The following ACAD11 variants were observed in gnomAD, a reference collection of about 807,000 sequenced individuals.
The protein encoded by ACAD11 is acyl-Coenzyme A dehydrogenase family, member 11.
ACAD11 carries 83 observed loss-of-function variants against 102.2 expected under a neutral mutation model. That is an observed-to-expected ratio of 0.81 (90% CI 0.68 to 0.97). ACAD11 has a LOEUF of 0.97. Ranked by LOEUF, ACAD11 falls within the 50% of genes least tolerant of loss-of-function variation. ACAD11 has a pLI of 0.00. For missense variants in ACAD11, 901 were observed against 951.7 expected (o/e 0.95, Z 0.70); for synonymous variants, 324 against 319.8 (o/e 1.01, Z -0.14).
chr3:132,613,108 C>T (rs1939233492), intron 11 of ACAD11, among the ~76,000 whole-genome samples: 2 of 151,816 alleles, frequency 1.3e-5, no homozygotes, highest in South Asian at 4.1e-4. Flanking sequence ...CCATCATTCT[C>T]AGCAAACTAT....
At chr3:132,645,263 A>C (rs1212336075) in intron 1 of ACAD11, among the ~76,000 whole-genome samples, 1 of 152,256 alleles carries the variant, frequency 6.6e-6, no homozygotes, top group East Asian at 1.9e-4. Context: ...TATCAGTCAG[A>C]AAATGAATTA....
Position 132,626,886 on chromosome 3 carries a change from T to C in ACAD11, c.1071-69A>G, listed in dbSNP as rs61078115. On this transcript the variant is annotated intron_variant, in intron 8 of 19. Coordinates refer to ENST00000264990, the MANE Select transcript of ACAD11 (RefSeq NM_032169.5). ...AAAGATCATTATTACATATTTCTAA[T>C]ATAATGTGAAGTTTCCTCAGCTACC... is the stretch of plus-strand genomic sequence containing the variant. 1.8e-3 allele frequency: 2,677 copies of C among 1,484,608 alleles called. 27 individuals carry two copies. The African/African-American group carries it at 0.025, about 14-fold the overall frequency. 92.0% of individuals were successfully genotyped at this position (1,484,608 alleles called of 1,614,324 possible). A position where few individuals can be genotyped will look rare whatever the true frequency, so the allele number is the denominator to read the frequency against.
intron 1 of ACAD11, chr3:132,648,457 C>G (rs942620468): frequency 5.9e-5 from 9 of 152,072 alleles, no homozygotes; most frequent in African/African-American, 1.7e-4. Context: ...GTCTCAGACT[C>G]ATGGCATCAT....
chr3:132,597,723 C>G (rs1381314613), intron 13 of ACAD11, among the ~76,000 whole-genome samples: 2 of 151,848 alleles, frequency 1.3e-5, no homozygotes, highest in African/African-American at 4.8e-5. Context: ...CTTTTTTACT[C>G]ACATTTTTAG....
At chr3:132,613,620 C>T (rs1053944920) in intron 11 of ACAD11, among the ~76,000 whole-genome samples, 1 of 151,934 alleles carries the variant, frequency 6.6e-6, no homozygotes. Context: ...CATCATTGGC[C>T]GGGTGCAGTG....
At chr3:132,587,444 G>A (rs1454885726) in intron 13 of ACAD11, among the ~76,000 whole-genome samples, 1 of 152,100 alleles carries the variant, frequency 6.6e-6, no homozygotes, top group East Asian at 1.9e-4. Flanking sequence ...TTACCTTTAA[G>A]TTCTGATATT....
intron 17 of ACAD11, among the ~76,000 whole-genome samples, chr3:132,566,401 G>C (rs879037376): frequency 6.6e-6 from 1 of 151,522 alleles, no homozygotes; most frequent in South Asian, 2.1e-4. Flanking sequence ...AAAGAGTAAG[G>C]CTGAAAAAGT....
chr3:132,587,098 C>T (rs1937873973), intron 13 of ACAD11, among the ~76,000 whole-genome samples: 1 of 151,796 alleles, frequency 6.6e-6, no homozygotes, highest in East Asian at 1.9e-4. Flanking sequence ...AACTCTGTCT[C>T]AAAAAAGAAC....
At chr3:132,629,452 G>A (rs1939950201) in intron 7 of ACAD11, among the ~76,000 whole-genome samples, 1 of 152,186 alleles carries the variant, frequency 6.6e-6, no homozygotes, top group Non-Finnish European at 1.5e-5. Context: ...GAGCCACCGT[G>A]CCTGGCCTAT....
At chr3:132,565,404 A>C (rs111413156) in intron 17 of ACAD11, among the ~76,000 whole-genome samples, 2,768 of 152,238 alleles carry the variant, frequency 0.018, 54 homozygotes, top group South Asian at 0.085. Context: ...GGAAGCTGGG[A>C]GGGGAACCTG....
chr3:132,589,589 G>A (rs1303396023), intron 13 of ACAD11, among the ~76,000 whole-genome samples: 5 of 152,154 alleles, frequency 3.3e-5, no homozygotes, highest in African/African-American at 7.2e-5. Flanking sequence ...AAGGATCAAC[G>A]CTACTTGCCC....
At chr3:132,622,954 T>C (rs1276722885) in intron 9 of ACAD11, among the ~76,000 whole-genome samples, 2 of 152,240 alleles carry the variant, frequency 1.3e-5, no homozygotes, top group Non-Finnish European at 2.9e-5. Flanking sequence ...TGATTAATGT[T>C]ACCATTATGT....
In ACAD11 at chr3:132,603,271, C is replaced by T; in HGVS notation, c.1579G>A (p.Glu527Lys). The T allele has an allele frequency of 1.2e-6, 2 of 1,614,094 alleles. No individual in the cohort carries two copies. The highest frequency in any genetic ancestry group is 1.7e-6 in the Non-Finnish European group (2 of 1,179,946). Reference protein sequence around the residue: ...TNIECSIQRDEDSYVINGKKW... With the variant: ...TNIECSIQRDKDSYVINGKKW... The stretch of plus-strand genomic sequence containing the variant: ...TTGCCGTTAATTACATAGCTATCTT[C>T]ATCTCGTTGGATGCTGCATTCAATA... Residue 527 changes from glutamate (E) to lysine (K), a missense_variant, in exon 13 of 20, where the codon GAA becomes AAA. Glu to Lys is a moderately conservative substitution (Grantham distance 56). Coordinates refer to ENST00000264990, the MANE Select transcript of ACAD11 (RefSeq NM_032169.5).
At chr3:132,643,647 A>G (rs1381052577) in intron 2 of ACAD11, among the ~76,000 whole-genome samples, 2 of 152,086 alleles carry the variant, frequency 1.3e-5, no homozygotes, top group Non-Finnish European at 2.9e-5. Flanking sequence ...AAAGTAACGA[A>G]ACCCATGTTC....
intron 1 of ACAD11, among the ~76,000 whole-genome samples, chr3:132,652,358 A>C (rs1940959565): frequency 6.6e-6 from 1 of 152,144 alleles, no homozygotes; most frequent in Non-Finnish European, 1.5e-5. Flanking sequence ...GAGTCCATTA[A>C]ACCTCTTTCC....
intron 17 of ACAD11, among the ~76,000 whole-genome samples, chr3:132,568,985 A>G (rs962386348): frequency 6.6e-6 from 1 of 152,250 alleles, no homozygotes; most frequent in South Asian, 2.1e-4. Flanking sequence ...GACCCACATA[A>G]GCAAAAATTG....
chr3:132,632,273 G>C (rs1940078430), intron 5 of ACAD11, among the ~76,000 whole-genome samples: 1 of 151,948 alleles, frequency 6.6e-6, no homozygotes, highest in African/African-American at 2.4e-5. Context: ...TTTTACTAGA[G>C]ACAGGGTTTC....
At position 132,639,523 on chromosome 3, in the gene ACAD11, C is replaced by G; in HGVS notation, c.671G>C (p.Arg224Thr). 1 of 1,613,894 alleles carries G rather than the reference C, an allele frequency of 6.2e-7. No homozygotes were observed. Among genetic ancestry groups the G allele is most frequent in the South Asian group, 1.1e-5 (1 of 90,968 alleles). The change falls in exon 5 of 20, where the codon AGA becomes ACA. Residue 224 changes from arginine to threonine, a missense_variant. Transcript: ENST00000264990. ...AGGGTGGAAAACTATGTTATCTAGT[C>G]TGAAATCTCCATGAATCAAATTCTC... is the stretch of plus-strand genomic sequence containing the variant. ...NEENLIHGDFRLDNIVFHPKE... is the reference protein window; with the variant it reads ...NEENLIHGDFTLDNIVFHPKE...
At chr3:132,639,980 GCA>G (rs1240013478) in intron 4 of ACAD11, among the ~76,000 whole-genome samples, 13 of 147,908 alleles carry the variant, frequency 8.8e-5, no homozygotes, top group Admixed American at 4.7e-4. Context: ...ACACACACAC[GCA>G]CACACACACT....
Sources: allele counts gnomAD v4.1 joint callset (sites outside exome capture counted in the v4.1 genomes callset), GRCh38; gene constraint gnomAD v4.1.1; transcripts MANE v1.5; gene names NCBI Gene and HGNC (gene_info 2026-07-23, HGNC 2026-07-21).